Variants in GALNT13 observed in about 807,000 individuals in gnomAD.
GALNT13 encodes UDP-GalNAc:polypeptide N-acetylgalactosaminyltransferase 13.
A neutral mutation model predicts 64.2 loss-of-function variants in GALNT13; 28 were observed. The ratio of observed to expected loss-of-function variants is 0.44; its 90% confidence interval spans 0.32 to 0.60. The LOEUF (loss-of-function observed/expected upper bound fraction) is 0.60, where lower values mean the gene tolerates loss of function less well. GALNT13 is among the 20% of genes least tolerant of loss of function. The pLI is 0.05. For synonymous variants in GALNT13, 214 were observed against 224.6 expected, an observed-to-expected ratio of 0.95 and a Z score of 0.42; for missense variants, 577 against 669.8, an observed-to-expected ratio of 0.86 and a Z score of 1.53.
At chr2:154,429,432 C>G (rs1289038055) in intron 11 of GALNT13, among the ~76,000 whole-genome samples, 1 of 152,108 alleles carries the variant, frequency 6.6e-6, no homozygotes, top group Non-Finnish European at 1.5e-5. Context: ...CTATGAAATG[C>G]CTTTACACCA....
chr2:154,072,683 G>A (rs1442832721), intron 3 of GALNT13, among the ~76,000 whole-genome samples: 1 of 151,936 alleles, frequency 6.6e-6, no homozygotes, highest in African/African-American at 2.4e-5. Context: ...AGTACTGATG[G>A]TACCTATCTG....
At chr2:154,283,498 A>AT (rs1363155534) in intron 8 of GALNT13, among the ~76,000 whole-genome samples, 2 of 150,568 alleles carry the variant, frequency 1.3e-5, no homozygotes, top group African/African-American at 2.4e-5. Context: ...TTAATTTCTG[A>AT]TTTTTTTACT....
the GALNT13 span, among the ~76,000 whole-genome samples, chr2:153,737,966 G>A: frequency 1.1e-4 from 16 of 151,816 alleles, no homozygotes; most frequent in African/African-American, 7.3e-5. Context: ...ATCATTTGCT[G>A]GTCTACTTAA....
chr2:154,121,690 A>G (rs993180012), intron 3 of GALNT13, among the ~76,000 whole-genome samples: 7 of 152,018 alleles, frequency 4.6e-5, no homozygotes, highest in Non-Finnish European at 7.4e-5. Context: ...CACCAAATAC[A>G]CAATACTATA....
At chr2:153,280,900 T>A in the GALNT13 span, among the ~76,000 whole-genome samples, 4 of 152,212 alleles carry the variant, frequency 2.6e-5, no homozygotes, top group South Asian at 2.1e-4. Flanking sequence ...GCGTGAAGTT[T>A]AAGTCCACAA....
the GALNT13 span, among the ~76,000 whole-genome samples, chr2:153,778,290 G>A: frequency 6.6e-6 from 1 of 152,190 alleles, no homozygotes; most frequent in Non-Finnish European, 1.5e-5. Context: ...TGGGGGCATG[G>A]CAGGCCAGGG....
At chr2:153,585,317 A>G in the GALNT13 span, among the ~76,000 whole-genome samples, 1 of 152,182 alleles carries the variant, frequency 6.6e-6, no homozygotes, top group Non-Finnish European at 1.5e-5. Context: ...GGATTTGACC[A>G]AGGAGAAGAA....
the GALNT13 span, among the ~76,000 whole-genome samples, chr2:153,282,772 CT>C: frequency 6.6e-6 from 1 of 152,174 alleles, no homozygotes; most frequent in Non-Finnish European, 1.5e-5. Flanking sequence ...TCTGGAGACA[CT>C]GGAACTTCTA....
the GALNT13 span, among the ~76,000 whole-genome samples, chr2:153,282,583 T>A: frequency 6.6e-6 from 1 of 152,056 alleles, no homozygotes; most frequent in African/African-American, 2.4e-5. Flanking sequence ...CCTGGCTAAT[T>A]TTTATATTTT....
intron 9 of GALNT13, among the ~76,000 whole-genome samples, chr2:154,394,753 T>C (rs1698977558): frequency 6.6e-6 from 1 of 152,212 alleles, no homozygotes; most frequent in Non-Finnish European, 1.5e-5. Context: ...TATTTATCTG[T>C]TTAAAAAGCC....
the GALNT13 span, among the ~76,000 whole-genome samples, chr2:153,846,677 G>A: frequency 6.6e-6 from 1 of 152,100 alleles, no homozygotes; most frequent in South Asian, 2.1e-4. Flanking sequence ...TAACTCATGA[G>A]TGAACTTGAC....
intron 12 of GALNT13, among the ~76,000 whole-genome samples, chr2:154,440,992 C>T (rs936517634): frequency 1.3e-5 from 2 of 152,138 alleles, no homozygotes; most frequent in African/African-American, 2.4e-5. Flanking sequence ...TTGCTACCCA[C>T]AGGGTGATTC....
intron 9 of GALNT13, among the ~76,000 whole-genome samples, chr2:154,322,000 T>C (rs76748047): frequency 6.6e-6 from 1 of 152,098 alleles, no homozygotes; most frequent in East Asian, 1.9e-4. Flanking sequence ...TTTGCCCAAC[T>C]TGATTTACAC....
At chr2:153,293,812 A>T in the GALNT13 span, among the ~76,000 whole-genome samples, 3 of 150,458 alleles carry the variant, frequency 2.0e-5, no homozygotes, top group African/African-American at 7.4e-5. Flanking sequence ...TGTGTGTGTG[A>T]GACAGGGTTT....
At chr2:153,134,665 C>A in the GALNT13 span, among the ~76,000 whole-genome samples, 4 of 152,116 alleles carry the variant, frequency 2.6e-5, no homozygotes, top group Non-Finnish European at 5.9e-5. Context: ...CTTTCTGCTG[C>A]CCCTTAGACG....
chr2:153,451,513 T>A, the GALNT13 span, among the ~76,000 whole-genome samples: 9 of 152,304 alleles, frequency 5.9e-5, no homozygotes, highest in Non-Finnish European at 1.3e-4. Context: ...TAAATTACAT[T>A]AAATTCTTTC....
At chr2:153,152,429 T>G in the GALNT13 span, among the ~76,000 whole-genome samples, 1 of 152,018 alleles carries the variant, frequency 6.6e-6, no homozygotes, top group Admixed American at 6.6e-5. Flanking sequence ...TTCATTTCTT[T>G]CTTTTTAAGT....
the GALNT13 span, among the ~76,000 whole-genome samples, chr2:153,274,954 G>A: frequency 6.6e-6 from 1 of 152,072 alleles, no homozygotes; most frequent in Non-Finnish European, 1.5e-5. Flanking sequence ...AGCATATTAT[G>A]CTCTTCTTTC....
At chr2:153,848,322 G>A in the GALNT13 span, among the ~76,000 whole-genome samples, 1 of 152,302 alleles carries the variant, frequency 6.6e-6, no homozygotes, top group South Asian at 2.1e-4. Context: ...AGGGAATTGA[G>A]CACATAGCAT....
Sources: allele counts gnomAD v4.1 joint callset (sites outside exome capture counted in the v4.1 genomes callset), GRCh38; gene constraint gnomAD v4.1.1; transcripts MANE v1.5; gene names NCBI Gene and HGNC (gene_info 2026-07-23, HGNC 2026-07-21).